Variants in CPA6 observed in about 807,000 individuals in gnomAD.
CPA6 encodes carboxypeptidase A6.
A neutral mutation model predicts 63.3 loss-of-function variants in CPA6; 58 were observed. The observed-to-expected ratio is 0.92, with a 90% CI of 0.74 to 1.14. The LOEUF is 1.14. Ranked by LOEUF, CPA6 falls within the 50% of genes most tolerant of loss-of-function variation. The pLI, the probability that CPA6 is intolerant of heterozygous loss-of-function variation, is 0.00. For synonymous variants in CPA6, 185 were observed against 179.0 expected (o/e 1.03, Z -0.27); for missense variants, 565 against 526.6 (o/e 1.07, Z -0.71).
chr8:67,473,868 A>C (rs1811117125), intron 8 of CPA6, among the ~76,000 whole-genome samples: 1 of 152,074 alleles, frequency 6.6e-6, no homozygotes, highest in South Asian at 2.1e-4. Context: ...AGGCCTCCCA[A>C]AGTGCTGGGA....
At chr8:67,461,770 C>T (rs1167184911) in intron 8 of CPA6, among the ~76,000 whole-genome samples, 2 of 151,910 alleles carry the variant, frequency 1.3e-5, no homozygotes. Context: ...GGCGGCCGGG[C>T]AGAGGCGCCC....
At chr8:67,492,475 G>GTT (rs140303912) in intron 6 of CPA6, among the ~76,000 whole-genome samples, 3,229 of 148,270 alleles carry the variant, frequency 0.022, 116 homozygotes, top group African/African-American at 0.073. Flanking sequence ...CCTTTATAAG[G>GTT]TTTTTTTTTT....
At chr8:67,578,677 G>T (rs1813688624) in intron 2 of CPA6, among the ~76,000 whole-genome samples, 1 of 152,188 alleles carries the variant, frequency 6.6e-6, no homozygotes, top group East Asian at 1.9e-4. Flanking sequence ...AGAAAGGATT[G>T]GTTCCAGTTA....
At chr8:67,628,069 TG>T (rs1815233332) in intron 1 of CPA6, among the ~76,000 whole-genome samples, 2 of 151,866 alleles carry the variant, frequency 1.3e-5, no homozygotes, top group Admixed American at 6.6e-5. Flanking sequence ...AAAAATTAGC[TG>T]GGGGTGGTGG....
At chr8:67,725,093 T>A (rs1817572443) in intron 1 of CPA6, among the ~76,000 whole-genome samples, 1 of 152,220 alleles carries the variant, frequency 6.6e-6, no homozygotes, top group Admixed American at 6.5e-5. Flanking sequence ...CCATTTTGTG[T>A]AGAGTGCTTA....
At chr8:67,431,885 G>A (rs1387078725) in intron 9 of CPA6, among the ~76,000 whole-genome samples, 2 of 152,184 alleles carry the variant, frequency 1.3e-5, no homozygotes, top group African/African-American at 4.8e-5. Context: ...TAGACATCTA[G>A]ATCAGAAATT....
intron 1 of CPA6, among the ~76,000 whole-genome samples, chr8:67,667,985 A>G (rs957687707): frequency 6.6e-6 from 1 of 152,248 alleles, no homozygotes; most frequent in African/African-American, 2.4e-5. Context: ...TTCTGTGTAC[A>G]GGAGGCTCGT....
At chr8:67,606,105 T>G (rs1283571421) in intron 2 of CPA6, among the ~76,000 whole-genome samples, 1 of 146,324 alleles carries the variant, frequency 6.8e-6, no homozygotes, top group Non-Finnish European at 1.5e-5. Context: ...CACCGCATGT[T>G]CTCACTCATA....
intron 2 of CPA6, among the ~76,000 whole-genome samples, chr8:67,549,696 G>A (rs183581393): frequency 5.7e-4 from 86 of 152,172 alleles, no homozygotes; most frequent in Middle Eastern, 3.4e-3. Flanking sequence ...CGGTAAATTT[G>A]ACTATTTTAG....
chr8:67,510,188 A>G (rs1355298614), intron 4 of CPA6, among the ~76,000 whole-genome samples: 1 of 152,206 alleles, frequency 6.6e-6, no homozygotes. Flanking sequence ...TGATCCATTC[A>G]TATACACTTA....
Position 67,430,139 on chromosome 8 carries a change from G to A in CPA6, c.1042-2008C>T, listed in dbSNP as rs920525807. ...GTAAATGGTATATATATATGTGTGT[G>A]TGTGTGTGTGTGTGTGTGTGTGTGT... On this transcript the variant is annotated intron_variant, in intron 9 of 10. Transcript: ENST00000297770. 3.5e-3 allele frequency among the ~76,000 whole-genome samples: 466 copies of A among 132,118 alleles called. 3 individuals are homozygous for A. The highest frequency in any genetic ancestry group is 0.016 in the African/African-American group (433 of 27,628). 86.7% of individuals were successfully genotyped at this position (132,118 alleles called of 152,430 possible). A position where few individuals can be genotyped will look rare whatever the true frequency, so the allele number is the denominator to read the frequency against.
intron 2 of CPA6, among the ~76,000 whole-genome samples, chr8:67,571,664 T>C (rs1366724990): frequency 1.3e-5 from 2 of 152,182 alleles, no homozygotes; most frequent in African/African-American, 2.4e-5. Context: ...AAACATAGCA[T>C]ACCAAAACTT....
At chr8:67,440,516 A>G (rs1421782123) in intron 8 of CPA6, among the ~76,000 whole-genome samples, 1 of 152,172 alleles carries the variant, frequency 6.6e-6, no homozygotes, top group Non-Finnish European at 1.5e-5. Flanking sequence ...GTTTGAAGTG[A>G]GCCAAGATCG....
intron 2 of CPA6, among the ~76,000 whole-genome samples, chr8:67,596,976 G>A: frequency 6.6e-6 from 1 of 152,132 alleles, no homozygotes; most frequent in Admixed American, 6.5e-5. Flanking sequence ...GAGGCACATG[G>A]TACTGACTTA....
At chr8:67,616,703 T>C (rs547063577) in intron 2 of CPA6, among the ~76,000 whole-genome samples, 1 of 152,302 alleles carries the variant, frequency 6.6e-6, no homozygotes, top group Non-Finnish European at 1.5e-5. Flanking sequence ...TAGGATAATG[T>C]GGCAGAAGTG....
At chr8:67,708,587 C>T (rs572738226) in intron 1 of CPA6, among the ~76,000 whole-genome samples, 11 of 152,228 alleles carry the variant, frequency 7.2e-5, no homozygotes, top group Non-Finnish European at 1.6e-4. Context: ...ACAGAAGACC[C>T]ATAGACTGCC....
intron 2 of CPA6, among the ~76,000 whole-genome samples, chr8:67,574,914 G>A (rs184930399): frequency 1.3e-4 from 20 of 151,764 alleles, no homozygotes; most frequent in Non-Finnish European, 2.5e-4. Context: ...AAAAACTTCT[G>A]TACAACAAAG....
rs185674758 is a variant in CPA6 at position 67,726,090 on chromosome 8, C to T, written c.116+19924G>A. 1.1e-3 allele frequency among the ~76,000 whole-genome samples: 161 copies of T among 152,136 alleles called. 4 individuals carry two copies. In the East Asian group the frequency reaches 0.022, roughly 21 times the overall value. On this transcript the variant is annotated intron_variant, in intron 1 of 10. Coordinates refer to ENST00000297770, the MANE Select transcript of CPA6 (RefSeq NM_020361.5). ...CCTCTTTAATCAAGGTTTTAGAACT[C>T]ATGAGAGCAAGACAGAGGCCAAGAA...
chr8:67,452,936 A>G (rs187219331), intron 8 of CPA6, among the ~76,000 whole-genome samples: 54 of 152,316 alleles, frequency 3.5e-4, no homozygotes, highest in African/African-American at 1.3e-3. Context: ...GGGAATGAGG[A>G]TAGAAATAGA....
Sources: allele counts gnomAD v4.1 joint callset (sites outside exome capture counted in the v4.1 genomes callset), GRCh38; gene constraint gnomAD v4.1.1; transcripts MANE v1.5; gene names NCBI Gene and HGNC (gene_info 2026-07-23, HGNC 2026-07-21).